Variants in NPRL2 observed in about 807,000 individuals in gnomAD.
NPRL2 encodes GATOR1 complex protein NPRL2.
In NPRL2, 21 loss-of-function variants were observed where a neutral mutation model predicts 51.1. That is an observed-to-expected ratio of 0.41 (90% CI 0.29 to 0.59). NPRL2 has a LOEUF of 0.59. Among genes scored for constraint, NPRL2 ranks in the 20% least tolerant of loss-of-function variants. The pLI, the probability that NPRL2 is intolerant of heterozygous loss-of-function variation, is 0.29. For missense variants in NPRL2, 376 were observed against 483.4 expected (o/e 0.78, Z 2.08); for synonymous variants, 175 against 187.8 (o/e 0.93, Z 0.56).
chr3:50,349,131 C>T lies in NPRL2; in HGVS notation c.449-121G>A. 8.0e-7 allele frequency: 1 copy of T among 1,249,280 alleles called. No homozygotes were observed. The highest frequency in any genetic ancestry group is 1.4e-5 in the South Asian group (1 of 69,114). 77.4% of individuals were successfully genotyped at this position (1,249,280 alleles called of 1,614,324 possible). A position where few individuals can be genotyped will look rare whatever the true frequency, so the allele number is the denominator to read the frequency against. On this transcript the variant is annotated intron_variant, in intron 4 of 10. Transcript: ENST00000232501. The surrounding 1 kb of genome is among the most constrained non-coding windows in gnomAD (Gnocchi z 4.6). The stretch of plus-strand genomic sequence containing the variant: ...GCCTCTGGGTAGGGCTAATCTTTCT[C>T]TTTTTATGGAGTGAGAAACGGAGGC...
Position 50,350,212 on chromosome 3 carries a change from G to T in NPRL2, c.79-190C>A. 1.7e-6 allele frequency: 1 copy of T among 605,760 alleles called. No individual in the cohort carries two copies. The highest frequency in any genetic ancestry group is 2.9e-6 in the Non-Finnish European group (1 of 341,962). 37.5% of individuals were successfully genotyped at this position (605,760 alleles called of 1,614,324 possible). ...TGATCTCACCTCCTTCCTGGCTTCT[G>T]CATATGCTGTTCCCTCTACCTGGAA... On this transcript the variant is annotated intron_variant, in intron 1 of 10. Coordinates refer to ENST00000232501, the MANE Select transcript of NPRL2 (RefSeq NM_006545.5). The surrounding 1 kb of genome is among the most constrained non-coding windows in gnomAD (Gnocchi z 5.7).
chr3:50,348,907 GA>G lies in NPRL2; in HGVS notation c.551del (p.Phe184SerfsTer50), dbSNP rs1703650376. The G allele has an allele frequency of 6.2e-7, 1 of 1,613,982 alleles. No individual in the cohort carries two copies. The highest frequency in any genetic ancestry group is 1.3e-5 in the African/African-American group (1 of 74,914). On this transcript the variant is annotated frameshift_variant, in exon 5 of 11. Coordinates refer to ENST00000232501, the MANE Select transcript of NPRL2 (RefSeq NM_006545.5). LOFTEE classifies it high-confidence loss of function. This position sits in a 1 kb window ranked among gnomAD's most constrained non-coding sequence, Gnocchi z 5.8. ...TAGTGAGGTCCCACTGTGAGTTGAA[GA>G]AATCCTCCTTGTCTTTGGTAAAGAC... ...VPVFTKDKEDFFNSQWDLTTQ... is the reference protein window; with the variant it reads ...VPVFTKDKEDXFNSQWDLTTQ...
In NPRL2 at chr3:50,349,498, G is replaced by A. The variant is rs1347606321; in HGVS notation, c.340-4C>T. ...TGGACACGAAGCTGCTCTCTAGCTA[G>A]ACAGAGCATGGAAAGCATGGTGGGC... On this transcript the variant is annotated splice_polypyrimidine_tract_variant and splice_region_variant and intron_variant, in intron 3 of 10. Coordinates refer to ENST00000232501, the MANE Select transcript of NPRL2 (RefSeq NM_006545.5). This position sits in a 1 kb window ranked among gnomAD's most constrained non-coding sequence, Gnocchi z 4.6. 1 of 1,613,692 alleles carries A rather than the reference G, an allele frequency of 6.2e-7. No individual in the cohort carries two copies. The highest frequency in any genetic ancestry group is 8.5e-7 in the Non-Finnish European group (1 of 1,179,936).
At position 50,349,694 on chromosome 3, in the gene NPRL2, T is replaced by G; in HGVS notation, c.310A>C (p.Lys104Gln). The change falls in exon 3 of 11, where the codon AAG (lysine) becomes CAG (glutamine). Residue 104 changes from lysine (K) to glutamine (Q), a missense_variant. Lys to Gln is a moderately conservative substitution (Grantham distance 53). Transcript: ENST00000232501. This position sits in a 1 kb window ranked among gnomAD's most constrained non-coding sequence, Gnocchi z 4.6. Reference sequence around the variant, plus strand: ...AGTGTGGTCAGATAGCCAGCCAGCTTTTTAACAATGGGCTCGAGGGCGCAG... The same window carrying G: ...AGTGTGGTCAGATAGCCAGCCAGCTGTTTAACAATGGGCTCGAGGGCGCAG... ...KTCALEPIVK[K>Q]LAGYLTTLEL... is the part of the protein sequence containing the mutation. 1 of 1,613,358 alleles carries G rather than the reference T, an allele frequency of 6.2e-7. No individual in the cohort carries two copies. The highest frequency in any genetic ancestry group is 1.1e-5 in the South Asian group (1 of 91,040).
In NPRL2 at chr3:50,350,392, C is replaced by T; in HGVS notation, c.78+183G>A. 2 of 657,514 alleles carry T rather than the reference C, an allele frequency of 3.0e-6. No homozygotes were observed. Among genetic ancestry groups the T allele is most frequent in the African/African-American group, 1.8e-5 (1 of 55,074 alleles). 40.7% of individuals were successfully genotyped at this position (657,514 alleles called of 1,614,324 possible). ...TATCCTACAAACACTGCCAATGTGA[C>T]GTATGTCTTCCCTGCCACATTGGGA... On this transcript the variant is annotated intron_variant, in intron 1 of 10. Transcript: ENST00000232501. The surrounding 1 kb of genome is among the most constrained non-coding windows in gnomAD (Gnocchi z 5.7).
rs1221450747 is a variant in NPRL2, at chr3:50,349,007, T to C, written c.452A>G (p.Glu151Gly). The C allele has an allele frequency of 6.2e-7, 1 of 1,612,702 alleles. No individual in the cohort carries two copies. Among genetic ancestry groups the C allele is most frequent in the African/African-American group, 1.3e-5 (1 of 74,886 alleles). ...ASGRCTLPID[E>G]SNTIHLKVIE... ...CACCTTCAAGTGGATGGTGTTGGACTCATCTGCAGGGGGCCCCATCCATAT... is the reference window on the plus strand; with the variant it reads ...CACCTTCAAGTGGATGGTGTTGGACCCATCTGCAGGGGGCCCCATCCATAT... The change falls in exon 5 of 11, where the codon GAG becomes GGG. Residue 151 changes from glutamate to glycine, a missense_variant. Glu to Gly is a moderately conservative substitution (Grantham distance 98). Transcript: ENST00000232501. This position sits in a 1 kb window ranked among gnomAD's most constrained non-coding sequence, Gnocchi z 4.6.
In NPRL2 at chr3:50,349,324, G is replaced by C. The variant is rs1703667608; in HGVS notation, c.448+62C>G. On this transcript the variant is annotated intron_variant, in intron 4 of 10. Transcript: ENST00000232501. The surrounding 1 kb of genome is among the most constrained non-coding windows in gnomAD (Gnocchi z 4.6). ...TGAGTCTTGCCCTTCTCCCTGACTAGCTGGGTTCACTTTCCCATCTCTCCT... is the reference window on the plus strand; with the variant it reads ...TGAGTCTTGCCCTTCTCCCTGACTACCTGGGTTCACTTTCCCATCTCTCCT... 1.4e-6 allele frequency: 2 copies of C among 1,417,690 alleles called. No individual in the cohort carries two copies. Among genetic ancestry groups the C allele is most frequent in the Non-Finnish European group, 2.0e-6 (2 of 1,005,114 alleles). 87.8% of individuals were successfully genotyped at this position (1,417,690 alleles called of 1,614,324 possible). A position where few individuals can be genotyped will look rare whatever the true frequency, so the allele number is the denominator to read the frequency against.
At position 50,347,554 on chromosome 3, in the gene NPRL2, C is replaced by G; in HGVS notation, c.*52G>C. On this transcript the variant is annotated 3_prime_UTR_variant, in exon 11 of 11. Transcript: ENST00000232501. ...AACCTCTAGACAGTATGACAAGCCT[C>G]CTAGTAGGAGGGACTACCCACAGCA... The G allele has an allele frequency of 6.2e-7, 1 of 1,606,718 alleles. No homozygotes were observed. The highest frequency in any genetic ancestry group is 8.5e-7 in the Non-Finnish European group (1 of 1,173,730).
Position 50,349,090 on chromosome 3 carries a change from C to T in NPRL2, c.449-80G>A. 6.5e-7 allele frequency: 1 copy of T among 1,535,462 alleles called. No individual in the cohort carries two copies. Among genetic ancestry groups the T allele is most frequent in the Non-Finnish European group, 8.8e-7 (1 of 1,134,468 alleles). ...TTACCATCCAGGCCTCCCAGCATCCCTTGGGGCAAGCAGGTGCCTCTGGGT... is the reference window on the plus strand; with the variant it reads ...TTACCATCCAGGCCTCCCAGCATCCTTTGGGGCAAGCAGGTGCCTCTGGGT... On this transcript the variant is annotated intron_variant, in intron 4 of 10. Coordinates refer to ENST00000232501, the MANE Select transcript of NPRL2 (RefSeq NM_006545.5). This position sits in a 1 kb window ranked among gnomAD's most constrained non-coding sequence, Gnocchi z 4.6.
Position 50,350,114 on chromosome 3 carries a change from C to A in NPRL2, c.79-92G>T. 2 of 1,018,806 alleles carry A rather than the reference C, an allele frequency of 2.0e-6. No individual in the cohort carries two copies. Among genetic ancestry groups the A allele is most frequent in the East Asian group, 2.4e-5 (1 of 42,032 alleles). 63.1% of individuals were successfully genotyped at this position (1,018,806 alleles called of 1,614,324 possible). A position where few individuals can be genotyped will look rare whatever the true frequency, so the allele number is the denominator to read the frequency against. ...CTCCTCATGCCCCCCAAGCCCAAGT[C>A]CTCTTCTCCAGCGTTCCCCTCTCTC... On this transcript the variant is annotated intron_variant, in intron 1 of 10. Coordinates refer to ENST00000232501, the MANE Select transcript of NPRL2 (RefSeq NM_006545.5). The surrounding 1 kb of genome is among the most constrained non-coding windows in gnomAD (Gnocchi z 5.7).
At position 50,349,825 on chromosome 3, in the gene NPRL2, A is replaced by G; in HGVS notation, c.179T>C (p.Met60Thr). The change falls in exon 3 of 11, where the codon ATG becomes ACG. Residue 60 changes from methionine to threonine, a missense_variant. Physicochemically the swap from Met to Thr is moderately conservative, Grantham distance 81. Transcript: ENST00000232501. This position sits in a 1 kb window ranked among gnomAD's most constrained non-coding sequence, Gnocchi z 4.6. ...AGGACAGCCGATCAGCTTCTTTTCC[A>G]TAGCTGTGCTGGATAATTGGAACAC... is the stretch of plus-strand genomic sequence containing the variant. ...LQNKLITVTA[M>T]EKKLIGCPVC... The G allele has an allele frequency of 6.2e-7, 1 of 1,611,876 alleles. No homozygotes were observed. Among genetic ancestry groups the G allele is most frequent in the Non-Finnish European group, 8.5e-7 (1 of 1,178,318 alleles).
In NPRL2 at chr3:50,350,484, G is replaced by T; in HGVS notation, c.78+91C>A. 7.7e-7 allele frequency: 1 copy of T among 1,302,100 alleles called. No homozygotes were observed. The allele number at this position is 1,302,100 out of a possible 1,614,324, so 80.7% of individuals were successfully genotyped here. On this transcript the variant is annotated intron_variant, in intron 1 of 10. Coordinates refer to ENST00000232501, the MANE Select transcript of NPRL2 (RefSeq NM_006545.5). This position sits in a 1 kb window ranked among gnomAD's most constrained non-coding sequence, Gnocchi z 5.7. ...TCTGCGAATGAAGCAGCATGCCTGC[G>T]TGCAGCACGGGAAACTACTGCCTTC...
Position 50,348,734 on chromosome 3 carries a change from C to T in NPRL2, c.634G>A (p.Glu212Lys), listed in dbSNP as rs1402198453. Residue 212 changes from glutamate to lysine, a missense_variant, in exon 6 of 11, where the codon GAG becomes AAG. Glu to Lys is a moderately conservative substitution (Grantham distance 56, BLOSUM62 1). Coordinates refer to ENST00000232501, the MANE Select transcript of NPRL2 (RefSeq NM_006545.5). The surrounding 1 kb of genome is among the most constrained non-coding windows in gnomAD (Gnocchi z 5.8). ...ACCAGGTTGAGCTCCACATCTGCCT[C>T]TGCTGAAATCTTCTGGATGTGGCGG... The part of the protein sequence containing the change: ...GFRHIQKISA[E>K]ADVELNLVRI... 2 of 1,614,034 alleles carry T rather than the reference C, an allele frequency of 1.2e-6. No homozygotes were observed. Among genetic ancestry groups the T allele is most frequent in the Non-Finnish European group, 1.7e-6 (2 of 1,180,038 alleles).
rs1363354012 is a variant in NPRL2, at chr3:50,349,269, A to G, written c.448+117T>C. 3 of 987,510 alleles carry G rather than the reference A, an allele frequency of 3.0e-6. No homozygotes were observed. Among genetic ancestry groups the G allele is most frequent in the Non-Finnish European group, 4.6e-6 (3 of 648,102 alleles). 61.2% of individuals were successfully genotyped at this position (987,510 alleles called of 1,614,324 possible). ...ACCCTGGACATGGGCACCTCAGCCC[A>G]TGGCTATTTCCTGCCCACCAATGTG... On this transcript the variant is annotated intron_variant, in intron 4 of 10. Transcript: ENST00000232501. The surrounding 1 kb of genome is among the most constrained non-coding windows in gnomAD (Gnocchi z 4.6).
rs1302413743 is a variant in NPRL2 at position 50,349,328 on chromosome 3, G to A, written c.448+58C>T. On this transcript the variant is annotated intron_variant, in intron 4 of 10. Transcript: ENST00000232501. The surrounding 1 kb of genome is among the most constrained non-coding windows in gnomAD (Gnocchi z 4.6). ...TCTTGCCCTTCTCCCTGACTAGCTG[G>A]GTTCACTTTCCCATCTCTCCTCTAC... The A allele has an allele frequency of 7.0e-7, 1 of 1,438,010 alleles. No individual in the cohort carries two copies. The highest frequency in any genetic ancestry group is 9.8e-7 in the Non-Finnish European group (1 of 1,022,550). 89.1% of individuals were successfully genotyped at this position (1,438,010 alleles called of 1,614,324 possible).
In NPRL2 at chr3:50,349,663, A is replaced by T; in HGVS notation, c.339+2T>A. 6.2e-7 allele frequency: 1 copy of T among 1,605,002 alleles called. No homozygotes were observed. The highest frequency in any genetic ancestry group is 1.1e-5 in the South Asian group (1 of 90,810). On this transcript the variant is annotated splice_donor_variant, in intron 3 of 10. Coordinates refer to ENST00000232501, the MANE Select transcript of NPRL2 (RefSeq NM_006545.5). LOFTEE classifies it high-confidence loss of function. This position sits in a 1 kb window ranked among gnomAD's most constrained non-coding sequence, Gnocchi z 4.6. ...TAAACCCAAGCCCATCTCATTGCAG[A>T]CCTCTAGTGTGGTCAGATAGCCAGC...
In NPRL2 at chr3:50,350,457, T is replaced by C; in HGVS notation, c.78+118A>G. Reference sequence around the variant, plus strand: ...TCTGACTATCCTCTAGCCTCACAGTTGTCTGCGAATGAAGCAGCATGCCTG... The same window carrying C: ...TCTGACTATCCTCTAGCCTCACAGTCGTCTGCGAATGAAGCAGCATGCCTG... On this transcript the variant is annotated intron_variant, in intron 1 of 10. Transcript: ENST00000232501. This position sits in a 1 kb window ranked among gnomAD's most constrained non-coding sequence, Gnocchi z 5.7. The C allele has an allele frequency of 9.3e-7, 1 of 1,077,922 alleles. No homozygotes were observed. The highest frequency in any genetic ancestry group is 1.3e-6 in the Non-Finnish European group (1 of 745,276). 66.8% of individuals were successfully genotyped at this position (1,077,922 alleles called of 1,614,324 possible). A position where few individuals can be genotyped will look rare whatever the true frequency, so the allele number is the denominator to read the frequency against.
In NPRL2 at chr3:50,350,496, A is replaced by C; in HGVS notation, c.78+79T>G. The C allele has an allele frequency of 7.1e-7, 1 of 1,407,820 alleles. No individual in the cohort carries two copies. Among genetic ancestry groups the C allele is most frequent in the Non-Finnish European group, 9.8e-7 (1 of 1,022,278 alleles). 87.2% of individuals were successfully genotyped at this position (1,407,820 alleles called of 1,614,324 possible). A position where few individuals can be genotyped will look rare whatever the true frequency, so the allele number is the denominator to read the frequency against. On this transcript the variant is annotated intron_variant, in intron 1 of 10. Transcript: ENST00000232501. This position sits in a 1 kb window ranked among gnomAD's most constrained non-coding sequence, Gnocchi z 5.7. Reference sequence around the variant, plus strand: ...GCAGCATGCCTGCGTGCAGCACGGGAAACTACTGCCTTCAGGCAGCCAGTT... The same window carrying C: ...GCAGCATGCCTGCGTGCAGCACGGGCAACTACTGCCTTCAGGCAGCCAGTT...
intron 10 of NPRL2, 21 bp from the exon 11 acceptor site, chr3:50,347,694 G>A (rs373871656): frequency 3.6e-5 from 58 of 1,613,900 alleles, no homozygotes; most frequent in South Asian, 2.9e-4. Context: ...TGGTGGAGGA[G>A]AGGTCAGTGG....
Sources: gnomAD v4.1 joint callset for allele counts on GRCh38, gnomAD v4.1.1 for gene constraint, Gnocchi (gnomAD v3.1) non-coding constraint, MANE v1.5 for transcripts, NCBI Gene and HGNC (gene_info 2026-07-23, HGNC 2026-07-21) for gene names.